BMP2K: variants seen among roughly 807,000 people sequenced by gnomAD.
BMP2K encodes BMP2 inducible kinase, also known as BMP-2-inducible protein kinase.
A neutral mutation model predicts 116.0 loss-of-function variants in BMP2K; 74 were observed. The ratio of observed to expected loss-of-function variants is 0.64; its 90% confidence interval spans 0.53 to 0.77. The LOEUF (loss-of-function observed/expected upper bound fraction) is 0.77. Among genes scored for constraint, BMP2K ranks in the 30% least tolerant of loss-of-function variants. The pLI, the probability that BMP2K is intolerant of heterozygous loss-of-function variation, is 0.00. For synonymous variants in BMP2K, 486 were observed against 502.5 expected (o/e 0.97, Z 0.44); for missense variants, 1,365 against 1,403.6 (o/e 0.97, Z 0.44).
rs1429518481 is a variant in BMP2K, at chr4:78,911,855, C to A, written c.3308C>A (p.Pro1103Gln). The change falls in exon 16 of 16, where the codon CCA (proline) becomes CAA (glutamine). Residue 1103 changes from proline (P) to glutamine (Q), a missense_variant. Around this residue, in one of 3 missense-constraint regions of BMP2K, gnomAD observed 596 missense variants for 623.2 expected, o/e 0.96. Transcript: ENST00000502613. ...CACAATACTGTCCTGCCAGGGCGGC[C>A]AAGACAAAATTCACTACATGGGTCA... ...ADHNTVLPGR[P>Q]RQNSLHGSFH... The A allele has an allele frequency of 6.2e-7, 1 of 1,613,900 alleles. No homozygotes were observed. Among genetic ancestry groups the A allele is most frequent in the South Asian group, 1.1e-5 (1 of 91,078 alleles).
chr4:78,891,306 T>C (rs1390509589), intron 15 of BMP2K, among the ~76,000 whole-genome samples: 2 of 152,186 alleles, frequency 1.3e-5, no homozygotes, highest in Non-Finnish European at 2.9e-5. Flanking sequence ...CTCTTCCTCC[T>C]TACCCCACCA....
intron 15 of BMP2K, among the ~76,000 whole-genome samples, chr4:78,901,179 G>T (rs1390025996): frequency 6.6e-6 from 1 of 152,034 alleles, no homozygotes; most frequent in Non-Finnish European, 1.5e-5. Flanking sequence ...AAGTAGCTGG[G>T]ACTATAGGTG....
At chr4:78,855,071 A>G (rs1731440595) in intron 7 of BMP2K, among the ~76,000 whole-genome samples, 1 of 152,162 alleles carries the variant, frequency 6.6e-6, no homozygotes, top group Non-Finnish European at 1.5e-5. Flanking sequence ...TACCAGGTCT[A>G]TTCCAAATAT....
intron 3 of BMP2K, among the ~76,000 whole-genome samples, chr4:78,840,554 T>C (rs1730709185): frequency 6.6e-6 from 1 of 152,158 alleles, no homozygotes; most frequent in African/African-American, 2.4e-5. Context: ...CGTTTAAAGG[T>C]GGGGTATCTC....
At position 78,848,102 on chromosome 4, in the gene BMP2K, C is replaced by T. The variant is rs1368727073; in HGVS notation, c.750+833C>T. On this transcript the variant is annotated intron_variant, in intron 6 of 15. Coordinates refer to ENST00000502613, the MANE Select transcript of BMP2K (RefSeq NM_198892.2). Reference sequence around the variant, plus strand: ...CTTGGTTTTCCTTTCCTGGCCTCCTCCCTTTTAGGGTTGGGGTACCAAAGT... The same window carrying T: ...CTTGGTTTTCCTTTCCTGGCCTCCTTCCTTTTAGGGTTGGGGTACCAAAGT... Among the ~76,000 whole-genome samples the T allele has an allele frequency of 2.0e-5, 3 of 151,576 alleles. No individual in the cohort carries two copies. The East Asian group carries it at 5.8e-4, about 29-fold the overall frequency.
chr4:78,816,609 G>T (rs933679977), intron 1 of BMP2K, among the ~76,000 whole-genome samples: 1 of 152,120 alleles, frequency 6.6e-6, no homozygotes, highest in Non-Finnish European at 1.5e-5. Context: ...TCAGTTCTTT[G>T]TAAATAAAGT....
intron 13 of BMP2K, among the ~76,000 whole-genome samples, chr4:78,876,346 C>T (rs981263731): frequency 1.3e-5 from 2 of 151,994 alleles, no homozygotes; most frequent in African/African-American, 2.4e-5. Context: ...CAGGCTCAGA[C>T]TGGCAGTTAA....
In BMP2K at chr4:78,901,712, T is replaced by C. The variant is rs144845440; in HGVS notation, c.2063-8898T>C. ...ATAGGATAGGTGGCTCTGTGAATTATATAATGTAGTGTGGACCACCCCATT... is the reference window on the plus strand; with the variant it reads ...ATAGGATAGGTGGCTCTGTGAATTACATAATGTAGTGTGGACCACCCCATT... On this transcript the variant is annotated intron_variant, in intron 15 of 15. Coordinates refer to ENST00000502613, the MANE Select transcript of BMP2K (RefSeq NM_198892.2). Among the ~76,000 whole-genome samples, 251 of 152,330 alleles carry C rather than the reference T, an allele frequency of 1.6e-3. 1 individual carries two copies. The highest frequency in any genetic ancestry group is 5.6e-3 in the African/African-American group (231 of 41,580).
Position 78,833,562 on chromosome 4 carries a change from A to ATTTT in BMP2K, c.298-12_298-9dup. 4 of 1,199,564 alleles carry ATTTT rather than the reference A, an allele frequency of 3.3e-6. No homozygotes were observed. Among genetic ancestry groups the ATTTT allele is most frequent in the Non-Finnish European group, 2.3e-6 (2 of 868,404 alleles). The allele number at this position is 1,199,564 out of a possible 1,614,324, so 74.3% of individuals were successfully genotyped here. ...TTTAAATGTACATTTTCCAGTTTTC[A>ATTTT]TTTTTTTTTTTCTTTCCAGAAAGAG... is the stretch of plus-strand genomic sequence containing the variant. On this transcript the variant is annotated intron_variant, in intron 2 of 15. Transcript: ENST00000502613.
At chr4:78,888,512 G>A (rs931375878) in intron 15 of BMP2K, among the ~76,000 whole-genome samples, 3 of 152,162 alleles carry the variant, frequency 2.0e-5, no homozygotes, top group African/African-American at 7.2e-5. Flanking sequence ...GTTAGGAATT[G>A]CATTATCCTT....
At chr4:78,829,842 C>CTTCTCTTCTA (rs1730118560) in intron 2 of BMP2K, among the ~76,000 whole-genome samples, 2 of 137,692 alleles carry the variant, frequency 1.5e-5, no homozygotes, top group Non-Finnish European at 1.5e-5. Flanking sequence ...CTTCTCTTCT[C>CTTCTCTTCTA]TTCTCTTCTT....
At chr4:78,874,009 C>G (rs1031673653) in intron 13 of BMP2K, among the ~76,000 whole-genome samples, 1 of 152,070 alleles carries the variant, frequency 6.6e-6, no homozygotes. Context: ...GAAACCTCAT[C>G]TCTACTAAAA....
chr4:78,912,175 A>G lies in BMP2K; in HGVS notation c.*142A>G, dbSNP rs1734673701. 5 of 768,596 alleles carry G rather than the reference A, an allele frequency of 6.5e-6. No homozygotes were observed. Among genetic ancestry groups the G allele is most frequent in the Non-Finnish European group, 1.1e-5 (5 of 474,348 alleles). The allele number at this position is 768,596 out of a possible 1,614,324, so 47.6% of individuals were successfully genotyped here. A position where few individuals can be genotyped will look rare whatever the true frequency, so the allele number is the denominator to read the frequency against. On this transcript the variant is annotated 3_prime_UTR_variant, in exon 16 of 16. Coordinates refer to ENST00000502613, the MANE Select transcript of BMP2K (RefSeq NM_198892.2). ...AATAGGTGATTTCTAAATAAACCAA[A>G]TAGAAGAATGAAGTATCTCTACAGG... is the stretch of plus-strand genomic sequence containing the variant.
chr4:78,895,447 T>C (rs2033061), intron 15 of BMP2K, among the ~76,000 whole-genome samples: 20,438 of 152,092 alleles, frequency 0.13, 2,555 homozygotes, highest in African/African-American at 0.33. Flanking sequence ...GTGTTTTGAT[T>C]AAAGGTTGAA....
At chr4:78,880,142 G>A (rs2110068305) in intron 14 of BMP2K, among the ~76,000 whole-genome samples, 1 of 152,182 alleles carries the variant, frequency 6.6e-6, no homozygotes, top group Non-Finnish European at 1.5e-5. Context: ...GCGCAATCTC[G>A]GCTCACCGCA....
intron 15 of BMP2K, among the ~76,000 whole-genome samples, chr4:78,909,840 A>G (rs1275744641): frequency 6.6e-6 from 1 of 152,208 alleles, no homozygotes; most frequent in African/African-American, 2.4e-5. Flanking sequence ...TCACCAATGT[A>G]TAATCAGTGT....
chr4:78,806,349 ATTT>A (rs1209719743), intron 1 of BMP2K, among the ~76,000 whole-genome samples: 1 of 151,580 alleles, frequency 6.6e-6, no homozygotes, highest in Admixed American at 6.6e-5. Flanking sequence ...TGAATTTAAA[ATTT>A]TTTTTTGTAG....
rs539594810 is a variant in BMP2K, at chr4:78,816,158, T to C, written c.179-9879T>C. 3.6e-4 allele frequency among the ~76,000 whole-genome samples: 55 copies of C among 152,294 alleles called. 1 individual carries two copies. Among genetic ancestry groups the C allele is most frequent in the African/African-American group, 1.0e-3 (43 of 41,580 alleles). On this transcript the variant is annotated intron_variant, in intron 1 of 15. Coordinates refer to ENST00000502613, the MANE Select transcript of BMP2K (RefSeq NM_198892.2). ...TTCCTCTTTCTGGCTCCTGTATGTTTTTGGTAACGTGAAGTTAAACCTTAA... is the reference window on the plus strand; with the variant it reads ...TTCCTCTTTCTGGCTCCTGTATGTTCTTGGTAACGTGAAGTTAAACCTTAA...
intron 9 of BMP2K, among the ~76,000 whole-genome samples, chr4:78,864,352 A>G (rs1731939060): frequency 6.6e-6 from 1 of 151,954 alleles, no homozygotes; most frequent in African/African-American, 2.4e-5. Context: ...TAAATACTTG[A>G]TTATCATTAA....
Sources: allele counts gnomAD v4.1 joint callset (sites outside exome capture counted in the v4.1 genomes callset), GRCh38; gene constraint gnomAD v4.1.1; regional missense constraint gnomAD v4.1.1; transcripts MANE v1.5; gene names NCBI Gene and HGNC (gene_info 2026-07-23, HGNC 2026-07-21).